IQCH: variants seen among roughly 807,000 people sequenced by gnomAD.
IQCH encodes the protein IQ motif containing H.
IQCH carries 98 observed loss-of-function variants against 117.0 expected under a neutral mutation model. That is an observed-to-expected ratio of 0.84 (90% CI 0.71 to 0.99). The LOEUF is 0.99. IQCH is among the 50% of genes least tolerant of loss of function. The pLI is 0.00. For synonymous variants in IQCH, 412 were observed against 448.2 expected (o/e 0.92, Z 1.02); for missense variants, 1,102 against 1,243.8 (o/e 0.89, Z 1.72).
At chr15:67,357,145 C>T (rs1307854972) in intron 6 of IQCH, among the ~76,000 whole-genome samples, 200 bp from the exon 7 acceptor site, 2 of 152,226 alleles carry the variant, frequency 1.3e-5, no homozygotes, top group African/African-American at 4.8e-5. Context: ...TCTAATAGAA[C>T]TGTTGCCCTC....
In IQCH at chr15:67,473,382, C is replaced by T. The variant is rs2083121182; in HGVS notation, c.2677-2314C>T. Among the ~76,000 whole-genome samples the T allele has an allele frequency of 6.6e-6, 1 of 152,162 alleles. No individual in the cohort carries two copies. The highest frequency in any genetic ancestry group is 6.5e-5 in the Admixed American group (1 of 15,274). ...TCCAAGCCAGTTCTTTTTACCCCAC[C>T]AATTATTCCTGCTTAGTCCACCAGA... On this transcript the variant is annotated intron_variant, in intron 17 of 20. Transcript: ENST00000335894. This position sits in a 1 kb window ranked among gnomAD's most constrained non-coding sequence, Gnocchi z 4.9.
rs1309064718 is a variant in IQCH at position 67,422,869 on chromosome 15, C to T, written c.2505+1292C>T. Among the ~76,000 whole-genome samples the T allele has an allele frequency of 6.6e-6, 1 of 152,202 alleles. No homozygotes were observed. Among genetic ancestry groups the T allele is most frequent in the East Asian group, 1.9e-4 (1 of 5,194 alleles). On this transcript the variant is annotated intron_variant, in intron 16 of 20. Transcript: ENST00000335894. The surrounding 1 kb of genome is among the most constrained non-coding windows in gnomAD (Gnocchi z 4.7). ...CTCTTAGTGCTGCATGTCCAGACCTCTGTCTAAAGGGCGAAATGACCTCCT... is the reference window on the plus strand; with the variant it reads ...CTCTTAGTGCTGCATGTCCAGACCTTTGTCTAAAGGGCGAAATGACCTCCT...
chr15:67,288,018 A>G, intron 4 of IQCH, among the ~76,000 whole-genome samples: 1 of 151,910 alleles, frequency 6.6e-6, no homozygotes. Flanking sequence ...ATTCAGGAGC[A>G]TATTGTTTAC....
chr15:67,346,957 T>TA (rs960918395), intron 6 of IQCH, among the ~76,000 whole-genome samples: 1 of 151,976 alleles, frequency 6.6e-6, no homozygotes, highest in East Asian at 1.9e-4. Context: ...ACAAGGATAT[T>TA]AAAAAAATAT....
At chr15:67,421,625 C>T (rs372681418) in intron 16 of IQCH, 48 bp downstream of exon 16, 56 of 1,579,478 alleles carry the variant, frequency 3.5e-5, no homozygotes, top group Middle Eastern at 1.7e-4. Context: ...GTAATGACTC[C>T]GCACCCTACA....
Position 67,364,442 on chromosome 15 carries a change from A to T in IQCH, c.753+4557A>T, listed in dbSNP as rs1462593143. 6.6e-6 allele frequency among the ~76,000 whole-genome samples: 1 copy of T among 152,104 alleles called. No homozygotes were observed. Among genetic ancestry groups the T allele is most frequent in the African/African-American group, 2.4e-5 (1 of 41,426 alleles). The stretch of plus-strand genomic sequence containing the variant: ...AATTTTTTTGAAATTCTTGTGGAAC[A>T]ATTTTTCTTGTAATTACCGAGAAAA... On this transcript the variant is annotated intron_variant, in intron 8 of 20. Coordinates refer to ENST00000335894, the MANE Select transcript of IQCH (RefSeq NM_001031715.3). This position sits in a 1 kb window ranked among gnomAD's most constrained non-coding sequence, Gnocchi z 4.1.
rs564222691 is a variant in IQCH at position 67,276,361 on chromosome 15, A to G, written c.270-3034A>G. 2.0e-5 allele frequency among the ~76,000 whole-genome samples: 3 copies of G among 152,348 alleles called. No homozygotes were observed. The East Asian group carries it at 5.8e-4, about 29-fold the overall frequency. ...AAAACAAACTTTAAAAGACTCTGAAAGACGGAGAGAAGAAGGCAGACCAGC... is the reference window on the plus strand; with the variant it reads ...AAAACAAACTTTAAAAGACTCTGAAGGACGGAGAGAAGAAGGCAGACCAGC... On this transcript the variant is annotated intron_variant, in intron 3 of 20. Coordinates refer to ENST00000335894, the MANE Select transcript of IQCH (RefSeq NM_001031715.3).
chr15:67,262,696 A>G (rs903574743), intron 2 of IQCH, among the ~76,000 whole-genome samples: 1 of 152,152 alleles, frequency 6.6e-6, no homozygotes, highest in Non-Finnish European at 1.5e-5. Context: ...CAGGCTGGGC[A>G]ATATAGGGAA....
chr15:67,331,079 G>A (rs1486759833), intron 4 of IQCH, among the ~76,000 whole-genome samples: 3 of 152,164 alleles, frequency 2.0e-5, no homozygotes, highest in Non-Finnish European at 4.4e-5. Context: ...TCTGGACAGA[G>A]CTACCCAAGT....
intron 1 of IQCH, 139 bp downstream of exon 1, chr15:67,255,086 A>T (rs913156569): frequency 2.5e-6 from 2 of 813,900 alleles, no homozygotes; most frequent in Non-Finnish European, 4.1e-6. Flanking sequence ...GGCTCCCAAA[A>T]ATGCCCACCC....
chr15:67,442,179 G>C (rs1376300374), intron 16 of IQCH, among the ~76,000 whole-genome samples: 2 of 152,194 alleles, frequency 1.3e-5, no homozygotes, highest in African/African-American at 2.4e-5. Flanking sequence ...GGGAGGCCAA[G>C]GTGGTCAGGT....
In IQCH at chr15:67,400,163, G is replaced by GC. The variant is rs760949936; in HGVS notation, c.1955_1956insC (p.Trp653LeufsTer4). On this transcript the variant is annotated frameshift_variant, in exon 14 of 21. Transcript: ENST00000335894. LOFTEE classifies it high-confidence loss of function. ...ATAACTGATCACCTGCAAATACAGCGTTGGCTCTTTAAAATGGACTCTGAG... is the reference window on the plus strand; with the variant it reads ...ATAACTGATCACCTGCAAATACAGCGCTTGGCTCTTTAAAATGGACTCTGAG... 6.2e-7 allele frequency: 1 copy of GC among 1,613,872 alleles called. No individual in the cohort carries two copies. The highest frequency in any genetic ancestry group is 8.5e-7 in the Non-Finnish European group (1 of 1,179,862).
intron 16 of IQCH, among the ~76,000 whole-genome samples, chr15:67,462,106 G>A (rs1216808624): frequency 6.6e-6 from 1 of 151,528 alleles, no homozygotes; most frequent in African/African-American, 2.4e-5. Context: ...TGAAGTTACA[G>A]GCATGAGCCA....
chr15:67,332,767 C>T (rs1968720181), intron 4 of IQCH, among the ~76,000 whole-genome samples: 1 of 152,046 alleles, frequency 6.6e-6, no homozygotes, highest in African/African-American at 2.4e-5. Flanking sequence ...ATATAGTATT[C>T]AAAATAAAAT....
rs1036543672 is a variant in IQCH at position 67,390,409 on chromosome 15, A to G, written c.1632+1403A>G. ...AAATGCCCATATACATTAAAGAGGC[A>G]TAGAATGGGGAAGGGGCACTAGATT... is the stretch of plus-strand genomic sequence containing the variant. On this transcript the variant is annotated intron_variant, in intron 12 of 20. Coordinates refer to ENST00000335894, the MANE Select transcript of IQCH (RefSeq NM_001031715.3). The surrounding 1 kb of genome is among the most constrained non-coding windows in gnomAD (Gnocchi z 5.0). Among the ~76,000 whole-genome samples, 4 of 152,198 alleles carry G rather than the reference A, an allele frequency of 2.6e-5. No individual in the cohort carries two copies. The highest frequency in any genetic ancestry group is 1.3e-4 in the Admixed American group (2 of 15,280).
rs183090578 is a variant in IQCH at position 67,340,377 on chromosome 15, A to C, written c.508+3282A>C. Among the ~76,000 whole-genome samples the C allele has an allele frequency of 7.3e-4, 101 of 137,986 alleles. 4 individuals are homozygous for C. The East Asian group carries it at 0.014, about 19-fold the overall frequency. 90.5% of individuals were successfully genotyped at this position (137,986 alleles called of 152,430 possible). On this transcript the variant is annotated intron_variant, in intron 5 of 20. Transcript: ENST00000335894. The stretch of plus-strand genomic sequence containing the variant: ...CGGGAGGCAGAGGTACAGTGAATCA[A>C]GATCGTGACACTGCACTCCAGCCTG...
rs536415676 is a variant in IQCH, at chr15:67,300,243, G to A, written c.387+20731G>A. On this transcript the variant is annotated intron_variant, in intron 4 of 20. Coordinates refer to ENST00000335894, the MANE Select transcript of IQCH (RefSeq NM_001031715.3). ...ACTCATGGATTTTTATATGTTTGAA[G>A]TGTTTCAATCCACAGTAATCATTAT... is the stretch of plus-strand genomic sequence containing the variant. 2.0e-5 allele frequency among the ~76,000 whole-genome samples: 3 copies of A among 152,258 alleles called. No homozygotes were observed. In the East Asian group the frequency reaches 5.8e-4, roughly 29 times the overall value.
At chr15:67,307,481 A>C (rs1207725288) in intron 4 of IQCH, among the ~76,000 whole-genome samples, 1 of 129,582 alleles carries the variant, frequency 7.7e-6, no homozygotes, top group African/African-American at 2.9e-5. Flanking sequence ...GATTAGAAGA[A>C]GCACTAGAAG....
At chr15:67,321,363 T>C (rs750611638) in intron 4 of IQCH, among the ~76,000 whole-genome samples, 1 of 152,148 alleles carries the variant, frequency 6.6e-6, no homozygotes, top group African/African-American at 2.4e-5. Flanking sequence ...AACTACCCTT[T>C]TATCATCCTA....
Sources: allele counts gnomAD v4.1 joint callset (sites outside exome capture counted in the v4.1 genomes callset), GRCh38; gene constraint gnomAD v4.1.1; non-coding constraint Gnocchi (gnomAD v3.1); transcripts MANE v1.5; gene names NCBI Gene and HGNC (gene_info 2026-07-23, HGNC 2026-07-21).